The following NAALADL2 variants were observed in gnomAD, a reference collection of about 807,000 sequenced individuals.
NAALADL2 encodes inactive N-acetylated-alpha-linked acidic dipeptidase-like protein 2.
Under a neutral mutation model 87.2 loss-of-function variants are expected in NAALADL2, and 76 were observed. The ratio of observed to expected loss-of-function variants is 0.87; its 90% CI spans 0.72 to 1.05. The LOEUF is 1.05. Among genes scored for constraint, NAALADL2 ranks in the 50% least tolerant of loss-of-function variants. The probability of loss-of-function intolerance (pLI) is 0.00; values close to 1 mark genes in which losing one functional copy is unlikely to be tolerated. For missense variants in NAALADL2, 1,089 were observed against 945.8 expected, an observed-to-expected ratio of 1.15 and a Z score of -1.99; for synonymous variants, 354 against 331.0, an observed-to-expected ratio of 1.07 and a Z score of -0.75.
chr3:175,134,883 T>C (rs996782812), intron 2 of NAALADL2, among the ~76,000 whole-genome samples: 13 of 152,290 alleles, frequency 8.5e-5, no homozygotes, highest in African/African-American at 2.6e-4. Context: ...TAATAAAGCA[T>C]AAATCAATTT....
intron 3 of NAALADL2, among the ~76,000 whole-genome samples, chr3:174,807,478 T>C (rs545673671): frequency 6.6e-6 from 1 of 152,252 alleles, no homozygotes; most frequent in East Asian, 1.9e-4. Flanking sequence ...TTCTGTTAAA[T>C]TATTCTTTTT....
At chr3:174,939,120 C>G (rs1053207441) in intron 1 of NAALADL2, among the ~76,000 whole-genome samples, 1 of 152,048 alleles carries the variant, frequency 6.6e-6, no homozygotes, top group African/African-American at 2.4e-5. Flanking sequence ...AGGTTGTCTT[C>G]CAGGGTTTTT....
At chr3:175,780,908 G>A (rs951223403) in intron 13 of NAALADL2, among the ~76,000 whole-genome samples, 1 of 152,102 alleles carries the variant, frequency 6.6e-6, no homozygotes, top group Non-Finnish European at 1.5e-5. Flanking sequence ...CTTGCTATGT[G>A]TTCCTTGCCT....
rs539685856 is a variant in NAALADL2 at position 175,291,326 on chromosome 3, C to A, written c.940-32849C>A. Among the ~76,000 whole-genome samples, 33 of 152,160 alleles carry A rather than the reference C, an allele frequency of 2.2e-4. 1 individual carries two copies. Among genetic ancestry groups the A allele is most frequent in the African/African-American group, 7.9e-4 (33 of 41,542 alleles). On this transcript the variant is annotated intron_variant, in intron 4 of 13. Transcript: ENST00000454872. ...AACAGTTCTTTCGATCTAAATTAGA[C>A]TTTTCCAATTTGCTATGCTTATTAT...
intron 2 of NAALADL2, among the ~76,000 whole-genome samples, chr3:174,697,675 A>G (rs373403849): frequency 1.3e-5 from 2 of 152,232 alleles, no homozygotes; most frequent in Non-Finnish European, 2.9e-5. Flanking sequence ...TGACTCCCTT[A>G]AATACAATGC....
chr3:174,622,635 T>C (rs1039635198), intron 2 of NAALADL2, among the ~76,000 whole-genome samples: 3 of 152,192 alleles, frequency 2.0e-5, no homozygotes, highest in African/African-American at 4.8e-5. Flanking sequence ...TACTGTATTA[T>C]TATAACAAAC....
At chr3:175,087,749 T>G (rs1370390078) in intron 1 of NAALADL2, among the ~76,000 whole-genome samples, 1 of 151,998 alleles carries the variant, frequency 6.6e-6, no homozygotes, top group East Asian at 1.9e-4. Flanking sequence ...TAATCTCAAG[T>G]ACCCAGGGAC....
chr3:174,652,173 C>G (rs1424674398), intron 2 of NAALADL2, among the ~76,000 whole-genome samples: 1 of 152,152 alleles, frequency 6.6e-6, no homozygotes, highest in African/African-American at 2.4e-5. Context: ...GCTGGGAGAA[C>G]ACAATGGGAA....
intron 9 of NAALADL2, among the ~76,000 whole-genome samples, chr3:175,558,063 C>T (rs953737326): frequency 4.6e-5 from 7 of 151,616 alleles, no homozygotes; most frequent in Non-Finnish European, 8.8e-5. Context: ...GGCGTGGTGG[C>T]GGGCGCCTGT....
chr3:175,272,599 A>C (rs1753002215), intron 4 of NAALADL2, among the ~76,000 whole-genome samples: 1 of 152,170 alleles, frequency 6.6e-6, no homozygotes, highest in African/African-American at 2.4e-5. Flanking sequence ...ATAAATATTG[A>C]GGTTTGAGAG....
chr3:174,819,419 ACAAT>A (rs1175014417), intron 3 of NAALADL2, among the ~76,000 whole-genome samples: 10 of 151,952 alleles, frequency 6.6e-5, no homozygotes, highest in Non-Finnish European at 1.0e-4. Context: ...ATTTTTATAA[ACAAT>A]CAGCAAAAAA....
rs1048160364 is a variant in NAALADL2, at chr3:174,698,713, A to C, written c.-114-38928A>C. 1.2e-4 allele frequency among the ~76,000 whole-genome samples: 16 copies of C among 134,020 alleles called. 3 individuals are homozygous for C. Among genetic ancestry groups the C allele is most frequent in the Non-Finnish European group, 1.0e-4 (7 of 66,836 alleles). 87.9% of individuals were successfully genotyped at this position (134,020 alleles called of 152,430 possible). A position where few individuals can be genotyped will look rare whatever the true frequency, so the allele number is the denominator to read the frequency against. On this transcript the variant is annotated intron_variant, in intron 2 of 3. Coordinates refer to the NAALADL2 transcript ENST00000434257. ...CCCCGTCTCTACTAAAAATACAAAA[A>C]ATTAGCCGGGCGTAGTGGCGGGCGC...
intron 1 of NAALADL2, among the ~76,000 whole-genome samples, chr3:175,014,686 A>C (rs900205261): frequency 6.6e-6 from 1 of 152,182 alleles, no homozygotes; most frequent in Non-Finnish European, 1.5e-5. Flanking sequence ...CATTTATTGC[A>C]AATGTTTCAA....
At chr3:175,745,402 C>A (rs978277824) in intron 12 of NAALADL2, among the ~76,000 whole-genome samples, 1 of 152,078 alleles carries the variant, frequency 6.6e-6, no homozygotes, top group Non-Finnish European at 1.5e-5. Flanking sequence ...CCCTCAGTAT[C>A]CATGGAGAAT....
intron 1 of NAALADL2, among the ~76,000 whole-genome samples, chr3:175,002,940 T>C (rs900552000): frequency 2.0e-5 from 3 of 152,166 alleles, no homozygotes; most frequent in African/African-American, 7.2e-5. Context: ...TCCTCACTCT[T>C]TCCATGGAGT....
At chr3:174,529,555 G>A (rs773426215) in intron 1 of NAALADL2, among the ~76,000 whole-genome samples, 1 of 152,206 alleles carries the variant, frequency 6.6e-6, no homozygotes, top group African/African-American at 2.4e-5. Flanking sequence ...CTTTAGCACT[G>A]CCCTAGCAGA....
intron 1 of NAALADL2, among the ~76,000 whole-genome samples, chr3:175,038,406 T>C (rs1235868225): frequency 6.6e-6 from 1 of 152,176 alleles, no homozygotes; most frequent in Admixed American, 6.5e-5. Flanking sequence ...AACCACAAGA[T>C]TATGACCAAC....
chr3:175,160,262 T>C (rs1272046500), intron 2 of NAALADL2, among the ~76,000 whole-genome samples: 1 of 151,712 alleles, frequency 6.6e-6, no homozygotes, highest in African/African-American at 2.4e-5. Flanking sequence ...TGATCTTTTG[T>C]TTAAATTTGT....
intron 1 of NAALADL2, among the ~76,000 whole-genome samples, chr3:174,909,475 C>T (rs1263122337): frequency 6.6e-6 from 1 of 152,024 alleles, no homozygotes; most frequent in Non-Finnish European, 1.5e-5. Context: ...TTAAAATAGT[C>T]CTTTGAGGTA....
Sources: gnomAD v4.1 joint callset for allele counts (sites outside exome capture counted in the v4.1 genomes callset) on GRCh38, gnomAD v4.1.1 for gene constraint, MANE v1.5 for transcripts, NCBI Gene and HGNC (gene_info 2026-07-23, HGNC 2026-07-21) for gene names.